Variants in ANKRD13C observed in about 807,000 individuals in gnomAD.
ANKRD13C encodes ankyrin repeat domain 13C, also known as ankyrin repeat domain-containing protein 13C.
In ANKRD13C, 16 loss-of-function variants were observed where a neutral mutation model predicts 65.5. The observed-to-expected ratio is 0.24, with a 90% confidence interval of 0.17 to 0.37. ANKRD13C has a LOEUF of 0.37. Among genes scored for constraint, ANKRD13C ranks in the 10% least tolerant of loss-of-function variants. ANKRD13C has a pLI of 1.00. For missense variants in ANKRD13C, 503 were observed against 655.9 expected (o/e 0.77, Z 2.55); for synonymous variants, 235 against 238.7 (o/e 0.98, Z 0.14).
Position 70,354,009 on chromosome 1 carries a change from T to A in ANKRD13C, c.400A>T (p.Thr134Ser), listed in dbSNP as rs756980247. Residue 134 changes from threonine (T) to serine (S), a missense_variant, in exon 1 of 13, where the codon ACG becomes TCG. Around this residue, in one of 2 missense-constraint regions of ANKRD13C, gnomAD observed 203 missense variants for 177.6 expected, o/e 1.14. Transcript: ENST00000370944. ...TTATCTTTCTGCCCGATATTGTGCGTGCGGATGAGAGAGGAGAGTCTCCTC... is the reference window on the plus strand; with the variant it reads ...TTATCTTTCTGCCCGATATTGTGCGAGCGGATGAGAGAGGAGAGTCTCCTC... ...DVRRLSSLIR[T>S]HNIGQKDNHG... 62 of 1,545,208 alleles carry A rather than the reference T, an allele frequency of 4.0e-5. No individual in the cohort carries two copies. The highest frequency in any genetic ancestry group is 5.2e-5 in the Non-Finnish European group (60 of 1,145,616).
intron 8 of ANKRD13C, among the ~76,000 whole-genome samples, chr1:70,294,084 C>T (rs981184883): frequency 5.3e-5 from 8 of 152,138 alleles, no homozygotes; most frequent in Admixed American, 2.6e-4. Context: ...ACTAGCACTA[C>T]ATGTACTGGT....
At chr1:70,331,317 C>T (rs11209608) in intron 2 of ANKRD13C, among the ~76,000 whole-genome samples, 19,258 of 151,696 alleles carry the variant, frequency 0.13, 1,424 homozygotes, top group East Asian at 0.33. Context: ...TCTCAACACT[C>T]TGGGAGGCCG....
chr1:70,276,849 CAAAA>C lies in ANKRD13C; in HGVS notation c.1216-9_1216-6del, dbSNP rs745401277. The C allele has an allele frequency of 6.3e-6, 8 of 1,260,448 alleles. No individual in the cohort carries two copies. The highest frequency in any genetic ancestry group is 2.5e-5 in the Admixed American group (1 of 39,930). 78.1% of individuals were successfully genotyped at this position (1,260,448 alleles called of 1,614,324 possible). ...AAGAGACTGTCTTCGAATCGGCTGC[CAAAA>C]AAAAAAAAGAAAGAAAGTGGGGTGG... On this transcript the variant is annotated splice_polypyrimidine_tract_variant and splice_region_variant and intron_variant, in intron 9 of 12. Transcript: ENST00000370944.
At position 70,259,257 on chromosome 1, in the gene ANKRD13C, A is replaced by ATGTT. The variant is rs1207179555; in HGVS notation, c.*3456_*3459dup. Among the ~76,000 whole-genome samples, 1 of 152,154 alleles carries ATGTT rather than the reference A, an allele frequency of 6.6e-6. No homozygotes were observed. Among genetic ancestry groups the ATGTT allele is most frequent in the African/African-American group, 2.4e-5 (1 of 41,436 alleles). ...TGGTGGGTTTTATCTTTTTGGTTTT[A>ATGTT]TGTTAGACAATATTTCTACTCTAAT... On this transcript the variant is annotated 3_prime_UTR_variant, in exon 13 of 13. Coordinates refer to ENST00000370944, the MANE Select transcript of ANKRD13C (RefSeq NM_030816.5).
rs373613069 is a variant in ANKRD13C, at chr1:70,270,842, A to C, written c.1495+14T>G. ...CTAATGGACACTAAAATTATATCTA[A>C]TTTTTTCTCTTACCTAATTTTACAG... On this transcript the variant is annotated intron_variant, in intron 12 of 12. Transcript: ENST00000370944. 2 of 1,544,516 alleles carry C rather than the reference A, an allele frequency of 1.3e-6. No individual in the cohort carries two copies. The highest frequency in any genetic ancestry group is 4.5e-5 in the East Asian group (2 of 44,448).
intron 2 of ANKRD13C, among the ~76,000 whole-genome samples, chr1:70,326,231 C>CAAAAAAAAAAAAAAAA (rs59618915): frequency 3.2e-5 from 1 of 31,068 alleles, no homozygotes; most frequent in Non-Finnish European, 6.1e-5. Flanking sequence ...AACTCTGTCT[C>CAAAAAAAAAAAAAAAA]AAAAAAAAAA....
At chr1:70,275,116 T>A (rs986069062) in intron 10 of ANKRD13C, among the ~76,000 whole-genome samples, 5 of 152,196 alleles carry the variant, frequency 3.3e-5, no homozygotes, top group Admixed American at 2.6e-4. Context: ...AGTAAAAAAA[T>A]TTTTAAGGTA....
In ANKRD13C at chr1:70,282,507, T is replaced by G. The variant is rs545236873; in HGVS notation, c.1216-5663A>C. Reference sequence around the variant, plus strand: ...CATGAGAGAAAAATAATCTTTTATCTTGTTTAAGTCACTGTTCTTTTGAGA... The same window carrying G: ...CATGAGAGAAAAATAATCTTTTATCGTGTTTAAGTCACTGTTCTTTTGAGA... On this transcript the variant is annotated intron_variant, in intron 9 of 12. Transcript: ENST00000370944. Among the ~76,000 whole-genome samples, 4 of 152,314 alleles carry G rather than the reference T, an allele frequency of 2.6e-5. No individual in the cohort carries two copies. In the South Asian group the frequency reaches 8.3e-4, roughly 32 times the overall value.
chr1:70,274,677 A>T, intron 11 of ANKRD13C, 43 bp downstream of exon 11: 1 of 1,400,930 alleles, frequency 7.1e-7, no homozygotes, highest in Non-Finnish European at 1.0e-6. Flanking sequence ...TTTAGGGTTT[A>T]ATAGTTTCTT....
chr1:70,350,737 C>A (rs141210053), intron 1 of ANKRD13C, among the ~76,000 whole-genome samples: 1 of 152,182 alleles, frequency 6.6e-6, no homozygotes, highest in Non-Finnish European at 1.5e-5. Context: ...GAAATACTTA[C>A]AAAGAGGTTC....
At chr1:70,280,500 G>A (rs1475327036) in intron 9 of ANKRD13C, among the ~76,000 whole-genome samples, 1 of 152,056 alleles carries the variant, frequency 6.6e-6, no homozygotes, top group Non-Finnish European at 1.5e-5. Flanking sequence ...AGCCTGAAAG[G>A]GTTTTACATA....
chr1:70,303,153 T>C (rs967347851), intron 6 of ANKRD13C, among the ~76,000 whole-genome samples: 2 of 152,232 alleles, frequency 1.3e-5, no homozygotes, highest in African/African-American at 4.8e-5. Flanking sequence ...CATTCGTGTT[T>C]CTATAATTTT....
chr1:70,268,491 G>C (rs1678730089), intron 12 of ANKRD13C, among the ~76,000 whole-genome samples: 1 of 152,166 alleles, frequency 6.6e-6, no homozygotes, highest in Non-Finnish European at 1.5e-5. Context: ...AGAGCTAGGA[G>C]GAGAATAGAT....
chr1:70,291,956 T>C (rs1165416073), intron 9 of ANKRD13C, among the ~76,000 whole-genome samples: 3 of 151,628 alleles, frequency 2.0e-5, no homozygotes, highest in Non-Finnish European at 4.4e-5. Flanking sequence ...CTGTCTCTAC[T>C]AAAAATACAA....
At chr1:70,324,743 T>C (rs951818371) in intron 3 of ANKRD13C, 110 bp downstream of exon 3, 9 of 716,014 alleles carry the variant, frequency 1.3e-5, no homozygotes, top group Middle Eastern at 7.1e-4. Context: ...AGTTTACACA[T>C]AATTGCAAAA....
At chr1:70,323,650 A>G (rs1681410020) in intron 3 of ANKRD13C, among the ~76,000 whole-genome samples, 1 of 152,000 alleles carries the variant, frequency 6.6e-6, no homozygotes, top group East Asian at 1.9e-4. Context: ...CCCTCTCAAA[A>G]AAAAAAATTT....
chr1:70,354,191 G>C lies in ANKRD13C; in HGVS notation c.218C>G (p.Pro73Arg), dbSNP rs1449463870. The C allele has an allele frequency of 7.4e-6, 12 of 1,613,916 alleles. No homozygotes were observed. The highest frequency in any genetic ancestry group is 6.7e-5 in the East Asian group (3 of 44,876). Residue 73 changes from proline to arginine, a missense_variant, in exon 1 of 13, where the codon CCC (proline) becomes CGC (arginine). This residue lies in a region of ANKRD13C where 203 missense variants were observed against 177.6 expected (regional missense o/e 1.14). Coordinates refer to ENST00000370944, the MANE Select transcript of ANKRD13C (RefSeq NM_030816.5). ...GTGCAGCGGCAGAGCCGGGGCGCCG[G>C]GGGGATTGGAGGAGGCCGGAGCTGC... is the stretch of plus-strand genomic sequence containing the variant. ...LKAAPASSNP[P>R]GAPALPLHNS...
At chr1:70,282,967 G>A (rs6681604) in intron 9 of ANKRD13C, among the ~76,000 whole-genome samples, 9,273 of 92,656 alleles carry the variant, frequency 0.1, 938 homozygotes, top group African/African-American at 0.25. Flanking sequence ...ACTTTTCCAA[G>A]TAAGTTTCTA....
At chr1:70,288,841 G>A (rs532300520) in intron 9 of ANKRD13C, among the ~76,000 whole-genome samples, 15 of 152,034 alleles carry the variant, frequency 9.9e-5, no homozygotes, top group African/African-American at 1.7e-4. Context: ...CAATATCCTC[G>A]CCATGATACT....
Sources: gnomAD v4.1 joint callset for allele counts (sites outside exome capture counted in the v4.1 genomes callset) on GRCh38, gnomAD v4.1.1 for gene constraint, gnomAD v4.1.1 regional missense constraint, MANE v1.5 for transcripts, NCBI Gene and HGNC (gene_info 2026-07-23, HGNC 2026-07-21) for gene names.